The following CFAP44 variants were observed in gnomAD, a reference collection of about 807,000 sequenced individuals.
The protein encoded by CFAP44 is cilia and flagella associated protein 44.
Under a neutral mutation model 216.2 loss-of-function variants are expected in CFAP44, and 134 were observed. That is an observed-to-expected ratio of 0.62 (90% CI 0.54 to 0.72). CFAP44 has a LOEUF of 0.72. CFAP44 is among the 30% of genes least tolerant of loss of function. The pLI is 0.00. For missense variants in CFAP44, 2,035 were observed against 2,182.1 expected, an observed-to-expected ratio of 0.93 and a Z score of 1.34; for synonymous variants, 700 against 727.6, an observed-to-expected ratio of 0.96 and a Z score of 0.61.
intron 13 of CFAP44, among the ~76,000 whole-genome samples, chr3:113,398,173 A>AT (rs1405481737): frequency 1.3e-5 from 2 of 152,240 alleles, no homozygotes; most frequent in African/African-American, 4.8e-5. Flanking sequence ...GCAAAGAAGA[A>AT]TAAGGCATGG....
chr3:113,379,408 C>A lies in CFAP44; in HGVS notation c.2196G>T (p.Glu732Asp). The change falls in exon 17 of 35, where the codon GAG (glutamate) becomes GAT (aspartate). Residue 732 changes from glutamate (E) to aspartate (D), a missense_variant. Glu to Asp is a conservative substitution (Grantham distance 45, BLOSUM62 2). Transcript: ENST00000393845. Reference sequence around the variant, plus strand: ...CAGGTAATGGCTCTTCTTCCTCCTCCTCCTCCTCTTTCTCCTCTTCCTCCT... The same window carrying A: ...CAGGTAATGGCTCTTCTTCCTCCTCATCCTCCTCTTTCTCCTCTTCCTCCT... ...FQEEEEEKEE[E>D]EEEEEPLPEI... is the part of the protein sequence containing the mutation. 6.2e-7 allele frequency: 1 copy of A among 1,609,862 alleles called. No homozygotes were observed. Among genetic ancestry groups the A allele is most frequent in the Non-Finnish European group, 8.5e-7 (1 of 1,177,214 alleles).
At chr3:113,335,265 A>G in intron 24 of CFAP44, among the ~76,000 whole-genome samples, 1 of 152,232 alleles carries the variant, frequency 6.6e-6, no homozygotes, top group East Asian at 1.9e-4. Flanking sequence ...GTAAAAAGAC[A>G]TGATCCTTAT....
chr3:113,344,801 ATTC>A, intron 22 of CFAP44, 89 bp from the exon 23 acceptor site: 1 of 1,131,834 alleles, frequency 8.8e-7, no homozygotes, highest in Non-Finnish European at 1.2e-6. Flanking sequence ...ACAATACACT[ATTC>A]TTATTATATC....
chr3:113,330,445 T>C lies in CFAP44; in HGVS notation c.3839A>G (p.Lys1280Arg). The change falls in exon 26 of 35, where the codon AAG becomes AGG. Residue 1280 changes from lysine to arginine, a missense_variant. By Grantham distance (26) the Lys-to-Arg change is conservative (BLOSUM62 2). Transcript: ENST00000393845. ...QYDEETLLNF[K>R]QQQMKSKDEK... ...ATCTTTACTTTTCATTTGCTGTTGC[T>C]TAAAATTTAGGAGAGTTTCTTCATC... The C allele has an allele frequency of 6.5e-7, 1 of 1,537,330 alleles. No individual in the cohort carries two copies. The highest frequency in any genetic ancestry group is 8.7e-7 in the Non-Finnish European group (1 of 1,146,912).
At chr3:113,420,652 A>C (rs1934790979) in intron 4 of CFAP44, among the ~76,000 whole-genome samples, 1 of 152,210 alleles carries the variant, frequency 6.6e-6, no homozygotes, top group South Asian at 2.1e-4. Context: ...ATGCCTGTTA[A>C]GTTTGTTGAC....
chr3:113,358,698 C>T (rs1439907130), intron 22 of CFAP44, 47 bp downstream of exon 22: 1 of 1,532,268 alleles, frequency 6.5e-7, no homozygotes, highest in Non-Finnish European at 8.7e-7. Context: ...ATGTTATTCA[C>T]ACATGTGCTC....
intron 22 of CFAP44, among the ~76,000 whole-genome samples, chr3:113,349,154 A>T (rs147627723): frequency 6.6e-6 from 1 of 152,326 alleles, no homozygotes; most frequent in East Asian, 1.9e-4. Flanking sequence ...TTATTCAATG[A>T]TGTCCACCAT....
intron 22 of CFAP44, among the ~76,000 whole-genome samples, chr3:113,349,122 C>A (rs1181239568): frequency 2.0e-5 from 3 of 152,062 alleles, no homozygotes; most frequent in Non-Finnish European, 4.4e-5. Flanking sequence ...GGACTAAGGA[C>A]AATTAAGAAA....
chr3:113,362,281 G>C (rs903872983), intron 21 of CFAP44, among the ~76,000 whole-genome samples: 3 of 152,012 alleles, frequency 2.0e-5, no homozygotes, highest in African/African-American at 7.3e-5. Flanking sequence ...TGGGTGAAGG[G>C]ACAGGAGGGG....
At position 113,373,548 on chromosome 3, in the gene CFAP44, A is replaced by G. The variant is rs762946186; in HGVS notation, c.2307T>C (p.Tyr769=). The part of the protein sequence containing the change: ...PGKFWVSLGG[Y]DSGFLYHCEF... ...CACAGTGATATAGAAAACCAGAATCATAGCCACCCTAGAAAAGAGATAAGT... is the reference window on the plus strand; with the variant it reads ...CACAGTGATATAGAAAACCAGAATCGTAGCCACCCTAGAAAAGAGATAAGT... The change falls in exon 18 of 35, where the codon TAT becomes TAC. Residue 769 remains tyrosine (Y), a synonymous_variant. Transcript: ENST00000393845. The G allele has an allele frequency of 1.3e-6, 2 of 1,588,192 alleles. No homozygotes were observed. The highest frequency in any genetic ancestry group is 4.5e-5 in the East Asian group (2 of 44,022).
At chr3:113,400,430 A>T in intron 12 of CFAP44, 115 bp downstream of exon 12, 1 of 851,012 alleles carries the variant, frequency 1.2e-6, no homozygotes, top group Non-Finnish European at 1.7e-6. Context: ...TGCATTCAAG[A>T]GGCTCCCCTT....
intron 32 of CFAP44, among the ~76,000 whole-genome samples, chr3:113,302,418 G>T (rs1268979004): frequency 9.4e-6 from 1 of 106,004 alleles, no homozygotes; most frequent in East Asian, 2.9e-4. Context: ...ACTATATTAA[G>T]ATTTAAAACA....
Position 113,409,244 on chromosome 3 carries a change from T to C in CFAP44, c.752A>G (p.Asp251Gly), listed in dbSNP as rs1488256518. The C allele has an allele frequency of 6.2e-7, 1 of 1,614,146 alleles. No individual in the cohort carries two copies. Among genetic ancestry groups the C allele is most frequent in the Middle Eastern group, 1.6e-4 (1 of 6,062 alleles). Residue 251 changes from aspartate to glycine, a missense_variant, in exon 7 of 35, where the codon GAC (aspartate) becomes GGC (glycine). Physicochemically the swap from Asp to Gly is moderately conservative, Grantham distance 94. Coordinates refer to ENST00000393845, the MANE Select transcript of CFAP44 (RefSeq NM_001164496.2). ...CCAGTTCCAGATAGTCAGTGTGTAGTCAGGGTTACTACCAACAGAGGCCAG... is the reference window on the plus strand; with the variant it reads ...CCAGTTCCAGATAGTCAGTGTGTAGCCAGGGTTACTACCAACAGAGGCCAG... ...NLLASVGSNP[D>G]YTLTIWNWKE...
intron 17 of CFAP44, among the ~76,000 whole-genome samples, chr3:113,376,680 G>A (rs779752593): frequency 2.6e-5 from 4 of 152,182 alleles, no homozygotes; most frequent in Non-Finnish European, 5.9e-5. Flanking sequence ...AAGTGATGGA[G>A]ATATCCCAAC....
Position 113,397,049 on chromosome 3 carries a change from G to C in CFAP44, c.1570-322C>G, listed in dbSNP as rs905553002. 1.2e-5 allele frequency: 4 copies of C among 333,182 alleles called. 1 individual carries two copies. Among genetic ancestry groups the C allele is most frequent in the South Asian group, 9.0e-5 (2 of 22,218 alleles). The allele number at this position is 333,182 out of a possible 1,614,324, so 20.6% of individuals were successfully genotyped here. A position where few individuals can be genotyped will look rare whatever the true frequency, so the allele number is the denominator to read the frequency against. On this transcript the variant is annotated intron_variant, in intron 13 of 34. Transcript: ENST00000393845. ...CTTGGTTTCACAGAGTTTTGGTCTAGTGAAAGGTGCAGACATTAATCACAT... is the reference window on the plus strand; with the variant it reads ...CTTGGTTTCACAGAGTTTTGGTCTACTGAAAGGTGCAGACATTAATCACAT...
chr3:113,420,848 TAA>T (rs746953712), intron 4 of CFAP44, among the ~76,000 whole-genome samples: 35 of 152,220 alleles, frequency 2.3e-4, no homozygotes, highest in South Asian at 6.2e-4. Context: ...TTATAGCATA[TAA>T]ATATATATGT....
At chr3:113,417,750 T>C (rs932113891) in intron 5 of CFAP44, among the ~76,000 whole-genome samples, 7 of 152,212 alleles carry the variant, frequency 4.6e-5, no homozygotes, top group Non-Finnish European at 8.8e-5. Context: ...TCACACAGTC[T>C]ACAATGTGTT....
Position 113,288,409 on chromosome 3 carries a change from C to A in CFAP44, c.*3148G>T, listed in dbSNP as rs1949795847. On this transcript the variant is annotated 3_prime_UTR_variant, in exon 35 of 35. Coordinates refer to ENST00000393845, the MANE Select transcript of CFAP44 (RefSeq NM_001164496.2). The stretch of plus-strand genomic sequence containing the variant: ...ATTTAAAAGGAAGGACTGTAAGGAA[C>A]AGGTAAATGTTAGGAAATGAGAAGC... 1 of 152,078 alleles carries A rather than the reference C, an allele frequency of 6.6e-6. No homozygotes were observed. The highest frequency in any genetic ancestry group is 1.5e-5 in the Non-Finnish European group (1 of 68,028). 9.4% of individuals were successfully genotyped at this position (152,078 alleles called of 1,614,324 possible).
chr3:113,330,816 C>T, intron 25 of CFAP44, 148 bp from the exon 26 acceptor site: 1 of 1,183,326 alleles, frequency 8.5e-7, no homozygotes, highest in Non-Finnish European at 1.1e-6. Flanking sequence ...CACCAAGTTT[C>T]CCTTTTCTTT....
Sources: gnomAD v4.1 joint callset for allele counts (sites outside exome capture counted in the v4.1 genomes callset) on GRCh38, gnomAD v4.1.1 for gene constraint, MANE v1.5 for transcripts, NCBI Gene and HGNC (gene_info 2026-07-23, HGNC 2026-07-21) for gene names.